The following TTC16 variants were observed in gnomAD, a reference collection of about 807,000 sequenced individuals.
The protein encoded by TTC16 is tetratricopeptide repeat protein 16.
Under a neutral mutation model 80.4 loss-of-function variants are expected in TTC16, and 66 were observed. The observed-to-expected ratio is 0.82, with a 90% CI of 0.67 to 1.01. The LOEUF is 1.01. Among genes scored for constraint, TTC16 ranks in the 50% least tolerant of loss-of-function variants. The pLI is 0.00. For synonymous variants in TTC16, 438 were observed against 451.3 expected (o/e 0.97, Z 0.37); for missense variants, 1,070 against 1,103.2 (o/e 0.97, Z 0.43).
At position 127,729,567 on chromosome 9, in the gene TTC16, G is replaced by GT. The variant is rs1844222822; in HGVS notation, c.1765-11dup. The GT allele has an allele frequency of 4.3e-6, 7 of 1,612,948 alleles. No homozygotes were observed. Among genetic ancestry groups the GT allele is most frequent in the Non-Finnish European group, 5.9e-6 (7 of 1,179,404 alleles). On this transcript the variant is annotated splice_polypyrimidine_tract_variant and intron_variant, in intron 12 of 13. Transcript: ENST00000373289. ...TCCTACCATCTGAACTACAAAGCCT[G>GT]TTTCTTGCCATAGGAGAAAAAATCA...
intron 7 of TTC16, among the ~76,000 whole-genome samples, chr9:127,723,786 T>C (rs1023381974): frequency 6.6e-6 from 1 of 152,164 alleles, no homozygotes; most frequent in African/African-American, 2.4e-5. Context: ...GAGAGGCCAC[T>C]GTGATTTCGG....
chr9:127,724,125 C>G lies in TTC16; in HGVS notation c.878C>G (p.Thr293Ser). 6.2e-7 allele frequency: 1 copy of G among 1,609,582 alleles called. No homozygotes were observed. Among genetic ancestry groups the G allele is most frequent in the Non-Finnish European group, 8.5e-7 (1 of 1,178,070 alleles). Reference sequence around the variant, plus strand: ...TCCCACGCCCCCCCCGACAGGGGCACCATGTACCGACGGCTCCAGGAGTTC... The same window carrying G: ...TCCCACGCCCCCCCCGACAGGGGCAGCATGTACCGACGGCTCCAGGAGTTC... ...LDPSLFLFRG[T>S]MYRRLQEFDG... The change falls in exon 8 of 14, where the codon ACC (threonine) becomes AGC (serine). Residue 293 changes from threonine (T) to serine (S), a missense_variant. By Grantham distance (58) the Thr-to-Ser change is moderately conservative. Transcript: ENST00000373289.
rs748574632 is a variant in TTC16 at position 127,717,691 on chromosome 9, C to T, written c.345C>T (p.Ala115=). The part of the protein sequence containing the change: ...YLQLCDFSSA[A]QNLRRAYSLQ... ...AGCTCTGTGACTTCTCCTCGGCCGC[C>T]CAGAACCTGCGAAGGGCCTACTCAT... is the stretch of plus-strand genomic sequence containing the variant. Residue 115 remains alanine (A), a synonymous_variant, in exon 4 of 14, where the codon GCC becomes GCT. Coordinates refer to ENST00000373289, the MANE Select transcript of TTC16 (RefSeq NM_144965.3). The T allele has an allele frequency of 3.1e-6, 5 of 1,614,032 alleles. No homozygotes were observed. In the Admixed American group the frequency reaches 8.3e-5, roughly 27 times the overall value.
In TTC16 at chr9:127,724,843, ACACGCGCATGGGCCTG is replaced by A; in HGVS notation, c.1207_1222del (p.Thr403CysfsTer72). The stretch of plus-strand genomic sequence containing the variant: ...CTGAGCCCTCAGGACGAGGGCGCCA[ACACGCGCATGGGCCTG>A]CTGCAGGAGAAGATGGGCTTCTGCG... On this transcript the variant is annotated frameshift_variant, in exon 9 of 14. Transcript: ENST00000373289. LOFTEE classifies it high-confidence loss of function. 14 of 1,598,232 alleles carry A rather than the reference ACACGCGCATGGGCCTG, an allele frequency of 8.8e-6. No homozygotes were observed. The highest frequency in any genetic ancestry group is 1.2e-5 in the Non-Finnish European group (14 of 1,173,552).
chr9:127,724,378 A>C lies in TTC16; in HGVS notation c.1117+14A>C. On this transcript the variant is annotated intron_variant, in intron 8 of 13. Coordinates refer to ENST00000373289, the MANE Select transcript of TTC16 (RefSeq NM_144965.3). Reference sequence around the variant, plus strand: ...TCAACCGAGGCGGTGCGCAGCGACCAGGGCACTGGGGAGGGGGGGTGCGGG... The same window carrying C: ...TCAACCGAGGCGGTGCGCAGCGACCCGGGCACTGGGGAGGGGGGGTGCGGG... 4.4e-6 allele frequency: 5 copies of C among 1,133,362 alleles called. No homozygotes were observed. The highest frequency in any genetic ancestry group is 6.4e-6 in the Non-Finnish European group (5 of 786,836). The allele number at this position is 1,133,362 out of a possible 1,614,324, so 70.2% of individuals were successfully genotyped here. A position where few individuals can be genotyped will look rare whatever the true frequency, so the allele number is the denominator to read the frequency against.
chr9:127,724,997 C>G lies in TTC16; in HGVS notation c.1259+100C>G, dbSNP rs547111032. The G allele has an allele frequency of 3.5e-4, 476 of 1,369,390 alleles. 6 individuals are homozygous for G. The African/African-American group carries it at 6.4e-3, about 19-fold the overall frequency. 84.8% of individuals were successfully genotyped at this position (1,369,390 alleles called of 1,614,324 possible). A position where few individuals can be genotyped will look rare whatever the true frequency, so the allele number is the denominator to read the frequency against. ...TCCCTGGGTCAATCAAGCTGCTTCT[C>G]TCCTCGGGGGCGATGGCTCATCCCT... On this transcript the variant is annotated intron_variant, in intron 9 of 13. Coordinates refer to ENST00000373289, the MANE Select transcript of TTC16 (RefSeq NM_144965.3).
rs1048950423 is a variant in TTC16 at position 127,718,647 on chromosome 9, C to T, written c.426+875C>T. On this transcript the variant is annotated intron_variant, in intron 4 of 13. Coordinates refer to ENST00000373289, the MANE Select transcript of TTC16 (RefSeq NM_144965.3). The surrounding 1 kb of genome is among the most constrained non-coding windows in gnomAD (Gnocchi z 4.6). Reference sequence around the variant, plus strand: ...TCTTGCTCTGTCACCGAGGCTGGAGCGCAATGGCGCAATCTCAGCTCACAA... The same window carrying T: ...TCTTGCTCTGTCACCGAGGCTGGAGTGCAATGGCGCAATCTCAGCTCACAA... Among the ~76,000 whole-genome samples, 7 of 151,380 alleles carry T rather than the reference C, an allele frequency of 4.6e-5. No individual in the cohort carries two copies. Among genetic ancestry groups the T allele is most frequent in the Admixed American group, 3.9e-4 (6 of 15,246 alleles).
At chr9:127,716,263 A>G (rs1395855576) in intron 1 of TTC16, 100 bp downstream of exon 1, 2 of 1,559,436 alleles carry the variant, frequency 1.3e-6, no homozygotes, top group Admixed American at 3.3e-5. Context: ...AGGCAGGGGC[A>G]GCAGTCCGAC....
chr9:127,716,373 G>A (rs1371025787), intron 1 of TTC16: 2 of 706,224 alleles, frequency 2.8e-6, no homozygotes, highest in East Asian at 2.7e-5. Flanking sequence ...TTGGGTAGCT[G>A]GTGGGGAAGG....
At chr9:127,719,406 G>A (rs888690348) in intron 4 of TTC16, among the ~76,000 whole-genome samples, 1 of 152,162 alleles carries the variant, frequency 6.6e-6, no homozygotes, top group Non-Finnish European at 1.5e-5. Flanking sequence ...ACAAGTTCAA[G>A]TTCTTAGCAC....
chr9:127,720,169 G>A lies in TTC16; in HGVS notation c.518G>A (p.Arg173His), dbSNP rs188096179. The A allele has an allele frequency of 9.7e-5, 157 of 1,613,706 alleles. No individual in the cohort carries two copies. The highest frequency in any genetic ancestry group is 1.2e-4 in the South Asian group (11 of 91,090). ...AELQPEKPCFRYRCMACLLAL... is the reference protein window; with the variant it reads ...AELQPEKPCFHYRCMACLLAL... ...CTCCAGCCTGAGAAACCATGCTTCC[G>A]TTACCGATGGTGAGTGCCCCTGCCA... is the stretch of plus-strand genomic sequence containing the variant. Residue 173 changes from arginine (R) to histidine (H), a missense_variant, in exon 5 of 14, where the codon CGT becomes CAT. Arg to His is a conservative substitution (Grantham distance 29, BLOSUM62 0). Coordinates refer to ENST00000373289, the MANE Select transcript of TTC16 (RefSeq NM_144965.3).
chr9:127,729,770 G>T, intron 13 of TTC16, 102 bp downstream of exon 13: 1 of 1,018,304 alleles, frequency 9.8e-7, no homozygotes, highest in Non-Finnish European at 1.5e-6. Flanking sequence ...GTTCGGCCCC[G>T]CTGCTGACAG....
At chr9:127,720,828 G>C (rs1431985207) in intron 6 of TTC16, among the ~76,000 whole-genome samples, 19 of 1,002 alleles carry the variant, frequency 0.019, no homozygotes, top group African/African-American at 0.039. Context: ...CTTCCCTCCT[G>C]CCTTCCCTCC....
In TTC16 at chr9:127,724,255, C is replaced by T. The variant is rs369604366; in HGVS notation, c.1008C>T (p.Asp336=). The T allele has an allele frequency of 6.2e-7, 1 of 1,612,970 alleles. No individual in the cohort carries two copies. The highest frequency in any genetic ancestry group is 8.5e-7 in the Non-Finnish European group (1 of 1,180,040). ...AQRQLLLTYN[D]FAVHCYRQGA... ...GCCAGCTGTTGCTGACCTACAACGA[C>T]TTTGCCGTGCACTGCTACAGGCAGG... The change falls in exon 8 of 14, where the codon GAC becomes GAT. Residue 336 remains aspartate, a synonymous_variant. Coordinates refer to ENST00000373289, the MANE Select transcript of TTC16 (RefSeq NM_144965.3).
intron 10 of TTC16, among the ~76,000 whole-genome samples, 169 bp from the exon 11 acceptor site, chr9:127,726,787 CAAAAAAAAAAAAAA>C (rs55676226): frequency 4.7e-5 from 6 of 127,850 alleles, no homozygotes; most frequent in East Asian, 3.3e-4. Context: ...GACTCTGTCT[CAAAAAAAAAAAAAA>C]AAAAAAAAAA....
chr9:127,726,449 C>G (rs780580095), intron 10 of TTC16, 45 bp downstream of exon 10: 1 of 1,498,256 alleles, frequency 6.7e-7, no homozygotes, highest in South Asian at 1.3e-5. Flanking sequence ...GAGTCATGCC[C>G]GGTGCATAAA....
intron 7 of TTC16, 139 bp from the exon 8 acceptor site, chr9:127,723,981 G>T: frequency 8.2e-7 from 1 of 1,221,514 alleles, no homozygotes. Flanking sequence ...GACAAACCTA[G>T]CAAATGAGGT....
chr9:127,726,859 T>C, intron 10 of TTC16, 111 bp from the exon 11 acceptor site: 1 of 1,148,570 alleles, frequency 8.7e-7, no homozygotes, highest in Non-Finnish European at 1.3e-6. Flanking sequence ...AACTCTTCCT[T>C]CTTCAGCCCT....
In TTC16 at chr9:127,730,693, G is replaced by A. The variant is rs750805777; in HGVS notation, c.1910G>A (p.Ser637Asn). ...EMSAICQEYRSTSATAVTFSD... is the reference protein window; with the variant it reads ...EMSAICQEYRNTSATAVTFSD... ...TCGGCTATCTGCCAGGAATACAGGAGCACCTCAGCCACCGCCGTGACATTC... is the reference window on the plus strand; with the variant it reads ...TCGGCTATCTGCCAGGAATACAGGAACACCTCAGCCACCGCCGTGACATTC... The change falls in exon 14 of 14, where the codon AGC (serine) becomes AAC (asparagine). Residue 637 changes from serine to asparagine, a missense_variant. By Grantham distance (46) the Ser-to-Asn change is conservative. Transcript: ENST00000373289. The A allele has an allele frequency of 2.5e-6, 4 of 1,613,142 alleles. No homozygotes were observed. The South Asian group carries it at 4.4e-5, about 18-fold the overall frequency.
Sources: allele counts gnomAD v4.1 joint callset (sites outside exome capture counted in the v4.1 genomes callset), GRCh38; gene constraint gnomAD v4.1.1; non-coding constraint Gnocchi (gnomAD v3.1); transcripts MANE v1.5; gene names NCBI Gene and HGNC (gene_info 2026-07-23, HGNC 2026-07-21).